FSTL4: variants seen among roughly 807,000 people sequenced by gnomAD.
FSTL4 encodes the protein follistatin-related protein 4.
In FSTL4, 28 loss-of-function variants were observed where a neutral mutation model predicts 78.2. That is an observed-to-expected ratio of 0.36 (90% CI 0.27 to 0.49). The LOEUF (loss-of-function observed/expected upper bound fraction) is 0.49, where lower values mean the gene tolerates loss of function less well. Among genes scored for constraint, FSTL4 ranks in the 20% least tolerant of loss-of-function variants. FSTL4 has a pLI of 0.98. For missense variants in FSTL4, 922 were observed against 1,084.9 expected (o/e 0.85, Z 2.11); for synonymous variants, 422 against 440.5 (o/e 0.96, Z 0.53).
chr5:133,742,463 T>A, the FSTL4 span, among the ~76,000 whole-genome samples: 1 of 152,232 alleles, frequency 6.6e-6, no homozygotes, highest in African/African-American at 2.4e-5. Context: ...TTTTCAAGAT[T>A]GGTGACAGAG....
chr5:133,328,777 A>G (rs1260809372), intron 4 of FSTL4, among the ~76,000 whole-genome samples: 5 of 152,104 alleles, frequency 3.3e-5, no homozygotes, highest in Non-Finnish European at 7.4e-5. Flanking sequence ...GGGAAGTCGG[A>G]GGGGATATGG....
At chr5:133,783,072 C>T in the FSTL4 span, among the ~76,000 whole-genome samples, 1 of 152,326 alleles carries the variant, frequency 6.6e-6, no homozygotes, top group African/African-American at 2.4e-5. Context: ...GTTTACATTT[C>T]GTGAAGTGAT....
At chr5:133,671,126 G>A in the FSTL4 span, among the ~76,000 whole-genome samples, 1 of 152,176 alleles carries the variant, frequency 6.6e-6, no homozygotes, top group Non-Finnish European at 1.5e-5. Context: ...GCGAGACCTT[G>A]TGAAAGACAG....
At chr5:133,518,684 C>T (rs999026841) in intron 3 of FSTL4, among the ~76,000 whole-genome samples, 1 of 152,142 alleles carries the variant, frequency 6.6e-6, no homozygotes, top group Non-Finnish European at 1.5e-5. Context: ...GATATAAGAA[C>T]AGAGATGCTG....
At chr5:133,340,731 G>A (rs566535864) in intron 4 of FSTL4, among the ~76,000 whole-genome samples, 15 of 152,172 alleles carry the variant, frequency 9.9e-5, no homozygotes, top group Admixed American at 6.5e-4. Context: ...AAGGCCTATC[G>A]TACAGATATT....
chr5:133,819,665 A>G, the FSTL4 span, among the ~76,000 whole-genome samples: 16 of 152,368 alleles, frequency 1.1e-4, no homozygotes, highest in African/African-American at 3.8e-4. Flanking sequence ...CGGGCTGCCC[A>G]CGCATTGTTC....
chr5:133,568,101 G>A (rs1760067764), intron 2 of FSTL4, among the ~76,000 whole-genome samples: 1 of 152,194 alleles, frequency 6.6e-6, no homozygotes, highest in Admixed American at 6.5e-5. Flanking sequence ...GAATAGCATA[G>A]GAAAATGTTG....
chr5:133,408,452 A>G (rs1211863712), intron 3 of FSTL4, among the ~76,000 whole-genome samples: 4 of 152,048 alleles, frequency 2.6e-5, no homozygotes, highest in Admixed American at 1.3e-4. Context: ...GACAGAGAGA[A>G]CTTTCTCCTG....
intron 3 of FSTL4, among the ~76,000 whole-genome samples, chr5:133,443,694 C>G (rs1757206780): frequency 6.6e-6 from 1 of 152,310 alleles, no homozygotes; most frequent in South Asian, 2.1e-4. Flanking sequence ...GAGGAGGGCA[C>G]AGACTCACTC....
In FSTL4 at chr5:133,210,318, A is replaced by T. The variant is rs760740078; in HGVS notation, c.1609-20T>A. The T allele has an allele frequency of 7.3e-7, 1 of 1,362,798 alleles. No homozygotes were observed. 84.4% of individuals were successfully genotyped at this position (1,362,798 alleles called of 1,614,324 possible). The stretch of plus-strand genomic sequence containing the variant: ...TATGGACTTGAAAAAAAATAGTGAC[A>T]TGTTGTGAAAGCTGACATGATGGTC... On this transcript the variant is annotated intron_variant, in intron 13 of 15. Coordinates refer to ENST00000265342, the MANE Select transcript of FSTL4 (RefSeq NM_015082.2).
At chr5:133,618,029 A>G in the FSTL4 span, among the ~76,000 whole-genome samples, 7 of 152,186 alleles carry the variant, frequency 4.6e-5, no homozygotes, top group African/African-American at 1.4e-4. Context: ...TTCGTTATCC[A>G]CGGGGATATG....
At chr5:133,804,587 C>T in the FSTL4 span, among the ~76,000 whole-genome samples, 1 of 152,120 alleles carries the variant, frequency 6.6e-6, no homozygotes, top group Non-Finnish European at 1.5e-5. Flanking sequence ...CTGCATGATA[C>T]CCAGAAAGGG....
At chr5:133,319,366 A>C (rs1561670185) in intron 4 of FSTL4, among the ~76,000 whole-genome samples, 2 of 152,186 alleles carry the variant, frequency 1.3e-5, no homozygotes, top group Admixed American at 6.5e-5. Context: ...TTATTTACAT[A>C]CTGTGTGCCC....
At chr5:133,681,597 T>C in the FSTL4 span, among the ~76,000 whole-genome samples, 1 of 152,202 alleles carries the variant, frequency 6.6e-6, no homozygotes, top group African/African-American at 2.4e-5. Flanking sequence ...ACAATTGTCA[T>C]TGATAATGTG....
At chr5:133,254,553 T>A (rs1315174356) in intron 6 of FSTL4, among the ~76,000 whole-genome samples, 1 of 152,166 alleles carries the variant, frequency 6.6e-6, no homozygotes, top group Non-Finnish European at 1.5e-5. Flanking sequence ...CCTATGACCA[T>A]CATAGGGATG....
intron 14 of FSTL4, among the ~76,000 whole-genome samples, chr5:133,202,901 G>A (rs1245129778): frequency 1.3e-5 from 2 of 152,222 alleles, no homozygotes; most frequent in African/African-American, 4.8e-5. Flanking sequence ...TCATGTCAGG[G>A]AAGGCACAAT....
At chr5:133,538,247 G>C (rs550861702) in intron 3 of FSTL4, among the ~76,000 whole-genome samples, 78 of 152,128 alleles carry the variant, frequency 5.1e-4, no homozygotes, top group African/African-American at 1.9e-3. Flanking sequence ...TATTTTTGAA[G>C]GGTACAGGCA....
chr5:133,797,162 G>GT, the FSTL4 span, among the ~76,000 whole-genome samples: 2 of 152,192 alleles, frequency 1.3e-5, no homozygotes, highest in African/African-American at 4.8e-5. Flanking sequence ...TTCCAGTTTG[G>GT]TTTTATACAT....
At chr5:133,419,741 T>A (rs1262097185) in intron 3 of FSTL4, among the ~76,000 whole-genome samples, 1 of 152,226 alleles carries the variant, frequency 6.6e-6, no homozygotes, top group Non-Finnish European at 1.5e-5. Context: ...TTCTCCCAGA[T>A]CCTTGCCAAC....
Sources: gnomAD v4.1 joint callset for allele counts (sites outside exome capture counted in the v4.1 genomes callset) on GRCh38, gnomAD v4.1.1 for gene constraint, MANE v1.5 for transcripts, NCBI Gene and HGNC (gene_info 2026-07-23, HGNC 2026-07-21) for gene names.